The following MYOZ2 variants were observed in gnomAD, a reference collection of about 807,000 sequenced individuals.
MYOZ2 encodes myozenin 2.
MYOZ2 carries 19 observed loss-of-function variants against 25.4 expected under a neutral mutation model. The observed-to-expected ratio is 0.75, with a 90% CI of 0.52 to 1.10. The LOEUF is 1.10. Among genes scored for constraint, MYOZ2 ranks in the 50% least tolerant of loss-of-function variants. MYOZ2 has a pLI of 0.00. For missense variants in MYOZ2, 270 were observed against 317.9 expected (o/e 0.85, Z 1.15); for synonymous variants, 92 against 106.9 (o/e 0.86, Z 0.86).
chr4:119,183,463 G>A (rs1742228911), intron 5 of MYOZ2, among the ~76,000 whole-genome samples: 1 of 151,938 alleles, frequency 6.6e-6, no homozygotes, highest in Non-Finnish European at 1.5e-5. Flanking sequence ...AGGTAGGAGA[G>A]CATAAATGCA....
chr4:119,152,191 GT>G (rs572454234), intron 3 of MYOZ2, among the ~76,000 whole-genome samples: 34,231 of 151,892 alleles, frequency 0.23, 4,584 homozygotes, highest in South Asian at 0.36. Flanking sequence ...CTCAACTATA[GT>G]ATTTATACTT....
intron 3 of MYOZ2, among the ~76,000 whole-genome samples, chr4:119,155,613 G>A (rs2149222768): frequency 6.6e-6 from 1 of 152,238 alleles, no homozygotes; most frequent in East Asian, 1.9e-4. Context: ...TAGTAGTGGG[G>A]AACTGGCTTG....
At chr4:119,137,096 A>G (rs907458958) in intron 2 of MYOZ2, among the ~76,000 whole-genome samples, 6 of 151,966 alleles carry the variant, frequency 3.9e-5, no homozygotes, top group African/African-American at 1.5e-4. Flanking sequence ...TATTTATTTA[A>G]CCCTTCATAT....
intron 2 of MYOZ2, among the ~76,000 whole-genome samples, chr4:119,136,856 C>G (rs1741038165): frequency 6.6e-6 from 1 of 152,126 alleles, no homozygotes; most frequent in Non-Finnish European, 1.5e-5. Context: ...GATGTACATT[C>G]TGCTTGGCTT....
intron 4 of MYOZ2, 111 bp downstream of exon 4, chr4:119,158,262 AT>A (rs1741628625): frequency 1.4e-6 from 2 of 1,434,870 alleles, no homozygotes; most frequent in Non-Finnish European, 1.9e-6. Context: ...ATCTTTTCTC[AT>A]TAAGTATGTT....
intron 2 of MYOZ2, among the ~76,000 whole-genome samples, chr4:119,143,230 C>A (rs1256220021): frequency 6.6e-6 from 1 of 151,294 alleles, no homozygotes; most frequent in African/African-American, 2.4e-5. Context: ...GAGTCTTGCT[C>A]TGTCACCTAG....
At chr4:119,173,679 G>A (rs976225886) in intron 5 of MYOZ2, among the ~76,000 whole-genome samples, 59 of 152,322 alleles carry the variant, frequency 3.9e-4, no homozygotes, top group Non-Finnish European at 7.4e-4. Flanking sequence ...CCACTTTGGC[G>A]GCACTTGAGG....
chr4:119,149,142 A>G (rs1184546266), intron 2 of MYOZ2, among the ~76,000 whole-genome samples: 14 of 152,050 alleles, frequency 9.2e-5, no homozygotes, highest in African/African-American at 1.5e-4. Context: ...TGGGTTCCCT[A>G]TTTGGCTCCA....
chr4:119,136,616 C>T lies in MYOZ2; in HGVS notation c.76+15C>T, dbSNP rs1226046419. 1 of 1,607,668 alleles carries T rather than the reference C, an allele frequency of 6.2e-7. No homozygotes were observed. Among genetic ancestry groups the T allele is most frequent in the South Asian group, 1.1e-5 (1 of 90,800 alleles). The stretch of plus-strand genomic sequence containing the variant: ...CCATGGAAATGGTATCAATAAAAAT[C>T]CTTCGTAGCATTAATATAGCACAGC... On this transcript the variant is annotated intron_variant, in intron 2 of 5. Coordinates refer to ENST00000307128, the MANE Select transcript of MYOZ2 (RefSeq NM_016599.5).
At chr4:119,139,677 G>T (rs1490338525) in intron 2 of MYOZ2, among the ~76,000 whole-genome samples, 1 of 152,050 alleles carries the variant, frequency 6.6e-6, no homozygotes, top group Non-Finnish European at 1.5e-5. Flanking sequence ...AAATGCTGGG[G>T]GAAAGGAATT....
At chr4:119,168,712 A>G (rs1741885939) in intron 5 of MYOZ2, among the ~76,000 whole-genome samples, 2 of 151,442 alleles carry the variant, frequency 1.3e-5, no homozygotes, top group Admixed American at 6.6e-5. Context: ...AACAACAACA[A>G]AAAACCACCT....
intron 2 of MYOZ2, among the ~76,000 whole-genome samples, chr4:119,148,922 T>A (rs1741380357): frequency 6.6e-6 from 1 of 152,190 alleles, no homozygotes; most frequent in Admixed American, 6.5e-5. Context: ...TGATTTTTTT[T>A]TTAATTTTTC....
At chr4:119,175,753 A>G (rs1017986034) in intron 5 of MYOZ2, among the ~76,000 whole-genome samples, 1 of 128,680 alleles carries the variant, frequency 7.8e-6, no homozygotes, top group South Asian at 2.4e-4. Context: ...CTCCATCTTA[A>G]AAAAAAAAAA....
intron 4 of MYOZ2, 82 bp from the exon 5 acceptor site, chr4:119,164,129 A>T: frequency 7.4e-7 from 1 of 1,350,550 alleles, no homozygotes; most frequent in Admixed American, 1.7e-5. Context: ...CAGCATGAAA[A>T]ATCAAACATG....
chr4:119,179,925 C>G (rs879334464), intron 5 of MYOZ2, among the ~76,000 whole-genome samples: 2 of 152,218 alleles, frequency 1.3e-5, no homozygotes, highest in African/African-American at 4.8e-5. Context: ...TGGTAATTTC[C>G]CAAAGGTCTC....
intron 4 of MYOZ2, among the ~76,000 whole-genome samples, chr4:119,160,321 T>G (rs956297550): frequency 6.9e-6 from 1 of 145,586 alleles, no homozygotes; most frequent in African/African-American, 2.8e-5. Flanking sequence ...TTTTGGAGTT[T>G]TTTTTTTTTT....
intron 3 of MYOZ2, among the ~76,000 whole-genome samples, chr4:119,153,313 C>T (rs1741495788): frequency 6.6e-6 from 1 of 152,090 alleles, no homozygotes; most frequent in Non-Finnish European, 1.5e-5. Flanking sequence ...TATTATTAGA[C>T]TCAGGTCTAT....
At chr4:119,160,736 C>T (rs545827896) in intron 4 of MYOZ2, among the ~76,000 whole-genome samples, 5 of 152,084 alleles carry the variant, frequency 3.3e-5, no homozygotes, top group African/African-American at 1.2e-4. Context: ...GATGTACCTC[C>T]AACGCAACTG....
chr4:119,151,477 T>G (rs1741448517), intron 3 of MYOZ2, among the ~76,000 whole-genome samples: 1 of 152,114 alleles, frequency 6.6e-6, no homozygotes, highest in Non-Finnish European at 1.5e-5. Flanking sequence ...TACAGACACA[T>G]TCAATGCCCT....
Sources: allele counts gnomAD v4.1 joint callset (sites outside exome capture counted in the v4.1 genomes callset), GRCh38; gene constraint gnomAD v4.1.1; transcripts MANE v1.5; gene names NCBI Gene and HGNC (gene_info 2026-07-23, HGNC 2026-07-21).